The following DBNL variants were observed in gnomAD, a reference collection of about 807,000 sequenced individuals.
The protein encoded by DBNL is drebrin like.
In DBNL, 35 loss-of-function variants were observed where a neutral mutation model predicts 62.2. That is an observed-to-expected ratio of 0.56 (90% CI 0.43 to 0.75). The LOEUF (loss-of-function observed/expected upper bound fraction) is 0.75, where lower values mean the gene tolerates loss of function less well. DBNL is among the 30% of genes least tolerant of loss of function. The pLI is 0.00. For missense variants in DBNL, 495 were observed against 578.4 expected, an observed-to-expected ratio of 0.86 and a Z score of 1.48; for synonymous variants, 197 against 218.0, an observed-to-expected ratio of 0.90 and a Z score of 0.85.
At position 44,067,170 on chromosome 7, in the gene DBNL, C is replaced by T. The variant is rs148383847; in HGVS notation, c.*6254C>T. 2.7e-4 allele frequency: 41 copies of T among 152,364 alleles called. No homozygotes were observed. Among genetic ancestry groups the T allele is most frequent in the Middle Eastern group, 3.4e-3 (1 of 296 alleles). 9.4% of individuals were successfully genotyped at this position (152,364 alleles called of 1,614,324 possible). A position where few individuals can be genotyped will look rare whatever the true frequency, so the allele number is the denominator to read the frequency against. On this transcript the variant is annotated 3_prime_UTR_variant, in exon 13 of 13. Transcript: ENST00000448521. ...AAGGCCTCAGCTATGATGAGTCCTA[C>T]AGGGAGAGCAATTCAGGTAGAGGGG...
chr7:44,050,528 C>A, intron 2 of DBNL: 1 of 397,620 alleles, frequency 2.5e-6, no homozygotes, highest in Non-Finnish European at 4.8e-6. Flanking sequence ...GGAAACAGGC[C>A]TCTCCAGCTT....
At position 44,046,993 on chromosome 7, in the gene DBNL, A is replaced by G. The variant is rs147063290; in HGVS notation, c.83+2173A>G. Among the ~76,000 whole-genome samples the G allele has an allele frequency of 1.6e-4, 24 of 152,262 alleles. No individual in the cohort carries two copies. In the East Asian group the frequency reaches 4.4e-3, roughly 28 times the overall value. On this transcript the variant is annotated intron_variant, in intron 1 of 12. Transcript: ENST00000448521. Reference sequence around the variant, plus strand: ...GTCCTTGCTCTGCTGCTTCCTCTGCATGGAGCACACTTTTTCCACATCGTC... The same window carrying G: ...GTCCTTGCTCTGCTGCTTCCTCTGCGTGGAGCACACTTTTTCCACATCGTC...
Position 44,064,793 on chromosome 7 carries a change from G to GCCC in DBNL, c.*3878_*3880dup. On this transcript the variant is annotated 3_prime_UTR_variant, in exon 13 of 13. Coordinates refer to ENST00000448521, the MANE Select transcript of DBNL (RefSeq NM_001014436.3). ...AGATGAGAAGCCAGCTGGGGCTGCT[G>GCCC]CCCACCCACCCTGCCCAGGCTCCTG... 1 of 1,136,980 alleles carries GCCC rather than the reference G, an allele frequency of 8.8e-7. No individual in the cohort carries two copies. The highest frequency in any genetic ancestry group is 1.3e-6 in the Non-Finnish European group (1 of 773,398). 70.4% of individuals were successfully genotyped at this position (1,136,980 alleles called of 1,614,324 possible).
intron 3 of DBNL, 102 bp from the exon 4 acceptor site, chr7:44,052,765 C>A (rs2096128873): frequency 3.0e-5 from 41 of 1,385,360 alleles, no homozygotes; most frequent in Non-Finnish European, 4.0e-5. Context: ...TTGGGGGTTG[C>A]AGTTTTCTCT....
chr7:44,055,065 G>A (rs1226149375), intron 4 of DBNL, among the ~76,000 whole-genome samples: 2 of 152,100 alleles, frequency 1.3e-5, no homozygotes, highest in Non-Finnish European at 2.9e-5. Flanking sequence ...CCGTATCTTG[G>A]CTATTGTTAA....
At chr7:44,053,953 G>C (rs1290030998) in intron 4 of DBNL, among the ~76,000 whole-genome samples, 1 of 152,138 alleles carries the variant, frequency 6.6e-6, no homozygotes, top group African/African-American at 2.4e-5. Flanking sequence ...TAGGATTACA[G>C]GCGTGAACCA....
chr7:44,058,195 C>T lies in DBNL; in HGVS notation c.619C>T (p.Gln207Ter). 6.4e-7 allele frequency: 1 copy of T among 1,560,008 alleles called. No individual in the cohort carries two copies. The highest frequency in any genetic ancestry group is 8.7e-7 in the Non-Finnish European group (1 of 1,153,034). ...RAEEAQRQLEQERRERELREA... is the reference protein window; with the variant it reads ...RAEEAQRQLE Reference sequence around the variant, plus strand: ...CGAGGAGGCACAGCGGCAGCTGGAGCAGGAGCGCCGGGAGCGTGAGCTGCG... The same window carrying T: ...CGAGGAGGCACAGCGGCAGCTGGAGTAGGAGCGCCGGGAGCGTGAGCTGCG... The change falls in exon 7 of 13, where the codon CAG becomes TAG. Residue 207 changes from glutamine to a stop codon, truncating the protein, a stop_gained. Transcript: ENST00000448521. LOFTEE classifies it high-confidence loss of function.
intron 7 of DBNL, 69 bp downstream of exon 7, chr7:44,058,349 A>G: frequency 1.2e-6 from 2 of 1,606,326 alleles, no homozygotes; most frequent in Non-Finnish European, 8.5e-7. Flanking sequence ...GCTCCATCCC[A>G]TGGAGGCGAG....
intron 5 of DBNL, among the ~76,000 whole-genome samples, chr7:44,057,160 G>C (rs2096137914): frequency 6.6e-6 from 1 of 152,240 alleles, no homozygotes; most frequent in Non-Finnish European, 1.5e-5. Context: ...TGGAGGCTCT[G>C]CAGCATGCAT....
Position 44,065,051 on chromosome 7 carries a change from G to T in DBNL, c.*4135G>T. 1 of 1,609,390 alleles carries T rather than the reference G, an allele frequency of 6.2e-7. No homozygotes were observed. ...GCACGCTGCTTTCCCTCCCAAGCCAGTGGGCCCCCACCCGACTCCCCACTC... is the reference window on the plus strand; with the variant it reads ...GCACGCTGCTTTCCCTCCCAAGCCATTGGGCCCCCACCCGACTCCCCACTC... On this transcript the variant is annotated 3_prime_UTR_variant, in exon 13 of 13. Transcript: ENST00000448521.
chr7:44,057,329 C>T (rs112830385), intron 5 of DBNL, among the ~76,000 whole-genome samples: 17 of 152,144 alleles, frequency 1.1e-4, no homozygotes, highest in African/African-American at 3.9e-4. Flanking sequence ...GGGCCTGTGG[C>T]CCCAGTGCTG....
chr7:44,064,938 G>A lies in DBNL; in HGVS notation c.*4022G>A, dbSNP rs1201379677. ...CAATCTCCTCGTTCCAGAAGGGCAG[G>A]GCCCGGGCAATGGTGTCCTTGAGGC... is the stretch of plus-strand genomic sequence containing the variant. On this transcript the variant is annotated 3_prime_UTR_variant, in exon 13 of 13. Transcript: ENST00000448521. 1.2e-6 allele frequency: 2 copies of A among 1,610,022 alleles called. No individual in the cohort carries two copies. Among genetic ancestry groups the A allele is most frequent in the South Asian group, 1.1e-5 (1 of 90,808 alleles).
chr7:44,048,485 G>A lies in DBNL; in HGVS notation c.84-1740G>A, dbSNP rs563782522. ...ATTCTGTCTCCCCTCCTGGTAAGGA[G>A]TGCCTTTTCCCGGAGGCCTGTCTCC... On this transcript the variant is annotated intron_variant, in intron 1 of 12. Coordinates refer to ENST00000448521, the MANE Select transcript of DBNL (RefSeq NM_001014436.3). 3.3e-5 allele frequency among the ~76,000 whole-genome samples: 5 copies of A among 152,318 alleles called. No individual in the cohort carries two copies. In the East Asian group the frequency reaches 9.6e-4, roughly 29 times the overall value.
rs1585997986 is a variant in DBNL at position 44,061,460 on chromosome 7, A to G, written c.*544A>G. 1 of 154,812 alleles carries G rather than the reference A, an allele frequency of 6.5e-6. No individual in the cohort carries two copies. The highest frequency in any genetic ancestry group is 1.9e-4 in the East Asian group (1 of 5,200). 9.6% of individuals were successfully genotyped at this position (154,812 alleles called of 1,614,324 possible). A position where few individuals can be genotyped will look rare whatever the true frequency, so the allele number is the denominator to read the frequency against. On this transcript the variant is annotated 3_prime_UTR_variant, in exon 13 of 13. Coordinates refer to ENST00000448521, the MANE Select transcript of DBNL (RefSeq NM_001014436.3). ...GAGCCTGCTCTGTGCTCCCCACTCC[A>G]TTTCTCTGTCCCTCTGCCTGGGCTA...
chr7:44,064,287 C>T lies in DBNL; in HGVS notation c.*3371C>T, dbSNP rs2096154850. 5.4e-6 allele frequency: 1 copy of T among 184,406 alleles called. No homozygotes were observed. Among genetic ancestry groups the T allele is most frequent in the African/African-American group, 2.4e-5 (1 of 41,912 alleles). The allele number at this position is 184,406 out of a possible 1,614,324, so 11.4% of individuals were successfully genotyped here. A position where few individuals can be genotyped will look rare whatever the true frequency, so the allele number is the denominator to read the frequency against. ...CTGGCCACTCCATAGTCCTGCACCC[C>T]TCTTTTGATTGGTCTTTCCTTTGCC... is the stretch of plus-strand genomic sequence containing the variant. On this transcript the variant is annotated 3_prime_UTR_variant, in exon 13 of 13. Coordinates refer to ENST00000448521, the MANE Select transcript of DBNL (RefSeq NM_001014436.3).
Position 44,064,521 on chromosome 7 carries a change from T to A in DBNL, c.*3605T>A. The A allele has an allele frequency of 2.4e-6, 1 of 422,106 alleles. No individual in the cohort carries two copies. The highest frequency in any genetic ancestry group is 4.4e-6 in the Non-Finnish European group (1 of 226,210). 26.1% of individuals were successfully genotyped at this position (422,106 alleles called of 1,614,324 possible). Reference sequence around the variant, plus strand: ...CAGTAAGTTGGGATTTGGAGCCAGATGCTCTAAGCCCAGCCCTTCCGTTTC... The same window carrying A: ...CAGTAAGTTGGGATTTGGAGCCAGAAGCTCTAAGCCCAGCCCTTCCGTTTC... On this transcript the variant is annotated 3_prime_UTR_variant, in exon 13 of 13. Transcript: ENST00000448521.
chr7:44,058,616 C>T, intron 8 of DBNL, 136 bp downstream of exon 8: 1 of 1,233,112 alleles, frequency 8.1e-7, no homozygotes, highest in Admixed American at 2.3e-5. Context: ...AATCTGGGCA[C>T]CTCAAGAGGT....
intron 4 of DBNL, among the ~76,000 whole-genome samples, chr7:44,054,155 G>A (rs1039394750): frequency 2.0e-5 from 3 of 152,072 alleles, no homozygotes; most frequent in African/African-American, 7.2e-5. Flanking sequence ...AACATGCATG[G>A]CATTCTTTTA....
At position 44,059,620 on chromosome 7, in the gene DBNL, C is replaced by T; in HGVS notation, c.1009C>T (p.Pro337Ser). The change falls in exon 11 of 13, where the codon CCT (proline) becomes TCT (serine). Residue 337 changes from proline (P) to serine (S), a missense_variant. Coordinates refer to ENST00000448521, the MANE Select transcript of DBNL (RefSeq NM_001014436.3). The surrounding 1 kb of genome is among the most constrained non-coding windows in gnomAD (Gnocchi z 4.1). ...AGAAGAGGAGGCTGTGTATGAGGAA[C>T]CTCCAGAGCAGGAGACCTTCTACGA... ...QAEEEAVYEE[P>S]PEQETFYEQP... is the part of the protein sequence containing the mutation. 6.2e-7 allele frequency: 1 copy of T among 1,609,900 alleles called. No homozygotes were observed. Among genetic ancestry groups the T allele is most frequent in the Non-Finnish European group, 8.5e-7 (1 of 1,179,874 alleles).
Sources: gnomAD v4.1 joint callset for allele counts (sites outside exome capture counted in the v4.1 genomes callset) on GRCh38, gnomAD v4.1.1 for gene constraint, Gnocchi (gnomAD v3.1) non-coding constraint, MANE v1.5 for transcripts, NCBI Gene and HGNC (gene_info 2026-07-23, HGNC 2026-07-21) for gene names.